GABRA5: variants seen among roughly 807,000 people sequenced by gnomAD.
GABRA5 encodes the protein gamma-aminobutyric acid type A receptor subunit alpha5.
Under a neutral mutation model 47.3 loss-of-function variants are expected in GABRA5, and 18 were observed. The observed-to-expected ratio is 0.38, with a 90% confidence interval of 0.26 to 0.56. The LOEUF (loss-of-function observed/expected upper bound fraction) is 0.56. Among genes scored for constraint, GABRA5 ranks in the 20% least tolerant of loss-of-function variants. The probability of loss-of-function intolerance (pLI) is 0.71; values close to 1 mark genes in which losing one functional copy is unlikely to be tolerated. For synonymous variants in GABRA5, 237 were observed against 229.3 expected, an observed-to-expected ratio of 1.03 and a Z score of -0.30; for missense variants, 365 against 599.3, an observed-to-expected ratio of 0.61 and a Z score of 4.08.
chr15:26,895,696 C>A lies in GABRA5; in HGVS notation c.497+12139C>A, dbSNP rs148362747. Among the ~76,000 whole-genome samples the A allele has an allele frequency of 3.5e-3, 530 of 151,780 alleles. 3 individuals are homozygous for A. Among genetic ancestry groups the A allele is most frequent in the African/African-American group, 0.012 (503 of 41,310 alleles). ...GGCATGGTGGCACTCGCCTGTAATC[C>A]CAGCTACTCGGGAGGCGGAGGCAGG... is the stretch of plus-strand genomic sequence containing the variant. On this transcript the variant is annotated intron_variant, in intron 6 of 10. Transcript: ENST00000335625.
intron 6 of GABRA5, among the ~76,000 whole-genome samples, chr15:26,911,856 G>A (rs574355265): frequency 8.5e-5 from 13 of 152,292 alleles, no homozygotes; most frequent in Admixed American, 2.6e-4. Context: ...AGTGCCTGCC[G>A]GGGTCTGGCA....
chr15:26,866,916 T>A (rs1892324440), upstream of GABRA5: 1 of 152,206 alleles, frequency 6.6e-6, no homozygotes, highest in Admixed American at 6.5e-5. Context: ...GCGCCGAAGA[T>A]GCTGTTGAGG....
intron 7 of GABRA5, among the ~76,000 whole-genome samples, chr15:26,920,209 T>TTC (rs780240263): frequency 2.0e-4 from 30 of 152,134 alleles, no homozygotes; most frequent in Non-Finnish European, 4.0e-4. Flanking sequence ...TTGTTGTTCT[T>TTC]TCTCTCTCTC....
intron 6 of GABRA5, among the ~76,000 whole-genome samples, chr15:26,910,690 T>A (rs906269868): frequency 6.6e-6 from 1 of 152,160 alleles, no homozygotes; most frequent in Admixed American, 6.6e-5. Flanking sequence ...TGCTTGAATG[T>A]CTTAACAGAA....
Position 26,893,105 on chromosome 15 carries a change from T to G in GABRA5, c.497+9548T>G, listed in dbSNP as rs535896175. Among the ~76,000 whole-genome samples, 4 of 149,816 alleles carry G rather than the reference T, an allele frequency of 2.7e-5. No individual in the cohort carries two copies. The East Asian group carries it at 8.0e-4, about 30-fold the overall frequency. On this transcript the variant is annotated intron_variant, in intron 6 of 10. Transcript: ENST00000335625. Reference sequence around the variant, plus strand: ...TTGGGGGTGTATGGTGTGTGGCATGTGTGTGTCTAGTGCGTGTGTATGGCG... The same window carrying G: ...TTGGGGGTGTATGGTGTGTGGCATGGGTGTGTCTAGTGCGTGTGTATGGCG...
At chr15:26,941,439 CA>C (rs375526240) in intron 9 of GABRA5, among the ~76,000 whole-genome samples, 32 of 148,644 alleles carry the variant, frequency 2.2e-4, no homozygotes, top group South Asian at 1.5e-3. Context: ...GTGGATTTCT[CA>C]AAAAAAAAAT....
rs140739945 is a variant in GABRA5, at chr15:26,937,047, A to G, written c.581-138A>G. 350 of 985,346 alleles carry G rather than the reference A, an allele frequency of 3.6e-4. 1 individual carries two copies. The highest frequency in any genetic ancestry group is 2.8e-3 in the African/African-American group (178 of 62,698). 61.0% of individuals were successfully genotyped at this position (985,346 alleles called of 1,614,324 possible). ...GCGTCTGCCCTGGTCCAACCACCCT[A>G]TGCATTTTTTAGGTCATGGAACCTT... On this transcript the variant is annotated intron_variant, in intron 7 of 10. Coordinates refer to ENST00000335625, the MANE Select transcript of GABRA5 (RefSeq NM_000810.4).
chr15:26,903,002 T>C (rs1893361184), intron 6 of GABRA5, among the ~76,000 whole-genome samples: 2 of 152,150 alleles, frequency 1.3e-5, no homozygotes, highest in Admixed American at 1.3e-4. Context: ...TGTGCAGATT[T>C]GTTATATAGA....
rs1163679502 is a variant in GABRA5 at position 26,947,046 on chromosome 15, C to T, written c.1090-888C>T. Among the ~76,000 whole-genome samples, 5 of 152,228 alleles carry T rather than the reference C, an allele frequency of 3.3e-5. No individual in the cohort carries two copies. The South Asian group carries it at 6.2e-4, about 19-fold the overall frequency. On this transcript the variant is annotated intron_variant, in intron 10 of 10. Coordinates refer to ENST00000335625, the MANE Select transcript of GABRA5 (RefSeq NM_000810.4). ...TGCATTCTGTACCATGATGTTTAATCGCATCCTTTCCTCCTTCCCAGCAGG... is the reference window on the plus strand; with the variant it reads ...TGCATTCTGTACCATGATGTTTAATTGCATCCTTTCCTCCTTCCCAGCAGG...
chr15:26,935,874 C>T (rs946320121), intron 7 of GABRA5, among the ~76,000 whole-genome samples: 1 of 152,214 alleles, frequency 6.6e-6, no homozygotes, highest in African/African-American at 2.4e-5. Context: ...AGCATTGTTT[C>T]CTGTGCTCTG....
intron 6 of GABRA5, among the ~76,000 whole-genome samples, chr15:26,895,826 A>AAAAAAAAG (rs1458730535): frequency 7.4e-6 from 1 of 136,018 alleles, no homozygotes; most frequent in Non-Finnish European, 1.5e-5. Context: ...AAAAAAAAAA[A>AAAAAAAAG]AAGAAGAAGA....
intron 6 of GABRA5, among the ~76,000 whole-genome samples, chr15:26,910,475 C>T (rs530888492): frequency 3.1e-4 from 47 of 151,994 alleles, no homozygotes; most frequent in Admixed American, 1.2e-3. Context: ...TTGCGGACAC[C>T]TGTAATCCCA....
intron 7 of GABRA5, among the ~76,000 whole-genome samples, chr15:26,927,734 C>G (rs1389667817): frequency 6.6e-6 from 1 of 152,206 alleles, no homozygotes; most frequent in African/African-American, 2.4e-5. Flanking sequence ...GGCATCTGAG[C>G]ATGCAGAGGC....
chr15:26,939,281 G>T (rs776032699), intron 8 of GABRA5: 2 of 765,332 alleles, frequency 2.6e-6, no homozygotes. Flanking sequence ...TGAATGGGAG[G>T]TCTCCTCGTG....
intron 6 of GABRA5, among the ~76,000 whole-genome samples, chr15:26,910,107 C>T (rs569943060): frequency 6.6e-6 from 1 of 151,314 alleles, no homozygotes; most frequent in Admixed American, 6.6e-5. Context: ...AAGACTGGAC[C>T]AGATTGGTTA....
intron 6 of GABRA5, among the ~76,000 whole-genome samples, chr15:26,908,736 A>G (rs2140287394): frequency 6.6e-6 from 1 of 152,246 alleles, no homozygotes; most frequent in African/African-American, 2.4e-5. Flanking sequence ...CTTCACAGGG[A>G]GGTCATGTTT....
chr15:26,888,540 A>T (rs1340741873), intron 6 of GABRA5, among the ~76,000 whole-genome samples: 3 of 151,948 alleles, frequency 2.0e-5, no homozygotes, highest in Non-Finnish European at 4.4e-5. Flanking sequence ...ACCGTCCCTT[A>T]ATTGTTTTCT....
At chr15:26,886,869 C>T (rs555388783) in intron 6 of GABRA5, among the ~76,000 whole-genome samples, 3 of 152,278 alleles carry the variant, frequency 2.0e-5, no homozygotes, top group East Asian at 1.9e-4. Flanking sequence ...GAAATAGTTC[C>T]ACTTCCAAGT....
At chr15:26,880,240 C>T (rs532284656) in intron 3 of GABRA5, among the ~76,000 whole-genome samples, 1 of 152,188 alleles carries the variant, frequency 6.6e-6, no homozygotes, top group African/African-American at 2.4e-5. Flanking sequence ...CTGGGTCCCA[C>T]AGAATGTGTT....
Sources: allele counts gnomAD v4.1 joint callset (sites outside exome capture counted in the v4.1 genomes callset), GRCh38; gene constraint gnomAD v4.1.1; transcripts MANE v1.5; gene names NCBI Gene and HGNC (gene_info 2026-07-23, HGNC 2026-07-21).